The following NR2E3 variants were observed in gnomAD, a reference collection of about 807,000 sequenced individuals.
NR2E3 encodes the protein nuclear receptor subfamily 2 group E member 3.
NR2E3 carries 38 observed loss-of-function variants against 37.6 expected under a neutral mutation model. The ratio of observed to expected loss-of-function variants is 1.01; its 90% CI spans 0.78 to 1.33. The LOEUF (loss-of-function observed/expected upper bound fraction) is 1.33, where lower values mean the gene tolerates loss of function less well. Ranked by LOEUF, NR2E3 falls within the 40% of genes most tolerant of loss-of-function variation. The pLI is 0.00. For missense variants in NR2E3, 562 were observed against 558.7 expected, an observed-to-expected ratio of 1.01 and a Z score of -0.06; for synonymous variants, 235 against 225.1, an observed-to-expected ratio of 1.04 and a Z score of -0.39.
At position 71,811,615 on chromosome 15, in the gene NR2E3, T is replaced by G. The variant is rs1595956000; in HGVS notation, c.245+6T>G. 6.2e-7 allele frequency: 1 copy of G among 1,602,606 alleles called. No homozygotes were observed. ...CGGCGGAGGCTCATCTACAGGTGAG[T>G]GCGGTGGGCCCTGCTGGGCGTCTGC... On this transcript the variant is annotated splice_donor_region_variant and intron_variant, in intron 2 of 7. Coordinates refer to ENST00000617575, the MANE Select transcript of NR2E3 (RefSeq NM_014249.4). This position sits in a 1 kb window ranked among gnomAD's most constrained non-coding sequence, Gnocchi z 5.6.
Position 71,811,620 on chromosome 15 carries a change from TGGGCCCTGCTG to T in NR2E3, c.245+14_245+24del, listed in dbSNP as rs1567159769. On this transcript the variant is annotated intron_variant, in intron 2 of 7. Transcript: ENST00000617575. This position sits in a 1 kb window ranked among gnomAD's most constrained non-coding sequence, Gnocchi z 5.6. ...GAGGCTCATCTACAGGTGAGTGCGG[TGGGCCCTGCTG>T]GGCGTCTGCCCCTGAGGGGTTCTGG... The T allele has an allele frequency of 7.5e-6, 12 of 1,600,804 alleles. No homozygotes were observed. Among genetic ancestry groups the T allele is most frequent in the Admixed American group, 3.4e-5 (2 of 57,988 alleles).
chr15:71,812,551 G>T, intron 5 of NR2E3, 40 bp downstream of exon 5: 1 of 1,545,542 alleles, frequency 6.5e-7, no homozygotes, highest in East Asian at 2.3e-5. Flanking sequence ...AGGCTGGGCT[G>T]GGGTCAGGCG....
rs527428190 is a variant in NR2E3, at chr15:71,817,578, C to T, written c.1127C>T (p.Pro376Leu). Residue 376 changes from proline to leucine, a missense_variant, in exon 8 of 8, where the codon CCG becomes CTG. Pro to Leu is a moderately conservative substitution (Grantham distance 98, BLOSUM62 -3). Coordinates refer to ENST00000617575, the MANE Select transcript of NR2E3 (RefSeq NM_014249.4). ...TTTGGGAAATTGCTCCTGCTCCTCC[C>T]GTCTTTGAGGTTTATCACTGCGGAA... is the stretch of plus-strand genomic sequence containing the variant. ...VRFGKLLLLL[P>L]SLRFITAERI... 1.2e-4 allele frequency: 197 copies of T among 1,599,378 alleles called. 2 individuals are homozygous for T. The highest frequency in any genetic ancestry group is 4.1e-4 in the East Asian group (18 of 44,438).
chr15:71,817,487 A>G (rs563794941), intron 7 of NR2E3, 65 bp from the exon 8 acceptor site: 49 of 1,503,328 alleles, frequency 3.3e-5, no homozygotes, highest in South Asian at 4.2e-5. Context: ...CTGGGAGGGC[A>G]CCGCCCCAGG....
At chr15:71,812,299 A>C (rs1424176230) in intron 4 of NR2E3, 37 bp from the exon 5 acceptor site, 2 of 1,613,586 alleles carry the variant, frequency 1.2e-6, no homozygotes, top group Non-Finnish European at 1.7e-6. Context: ...ACCTCCCGAG[A>C]AGCAGGCGCT....
chr15:71,810,575 C>A lies in NR2E3; in HGVS notation c.-169C>A. On this transcript the variant is annotated 5_prime_UTR_variant, in exon 1 of 8. Coordinates refer to ENST00000617575, the MANE Select transcript of NR2E3 (RefSeq NM_014249.4). ...CGGGAGAAATCTCCTCAAGCCAGAG[C>A]CTGTGCTGTGAGGGGCTTCGGGACC... 2 of 950,168 alleles carry A rather than the reference C, an allele frequency of 2.1e-6. No homozygotes were observed. The highest frequency in any genetic ancestry group is 1.5e-6 in the Non-Finnish European group (1 of 650,254). 58.9% of individuals were successfully genotyped at this position (950,168 alleles called of 1,614,324 possible).
rs1048078452 is a variant in NR2E3, at chr15:71,811,929, C to A, written c.350-26C>A. 1.1e-5 allele frequency: 17 copies of A among 1,548,270 alleles called. No individual in the cohort carries two copies. Among genetic ancestry groups the A allele is most frequent in the Non-Finnish European group, 1.5e-5 (17 of 1,145,892 alleles). ...GAAATGGGCAGCGGGACTGGCGTGT[C>A]GTCCTGACCCTTCCTGCCTCCCCAG... On this transcript the variant is annotated intron_variant, in intron 3 of 7. Coordinates refer to ENST00000617575, the MANE Select transcript of NR2E3 (RefSeq NM_014249.4). The surrounding 1 kb of genome is among the most constrained non-coding windows in gnomAD (Gnocchi z 5.6).
chr15:71,812,038 T>A lies in NR2E3; in HGVS notation c.433T>A (p.Ser145Thr). The A allele has an allele frequency of 6.4e-7, 1 of 1,553,642 alleles. No homozygotes were observed. The change falls in exon 4 of 8, where the codon TCC (serine) becomes ACC (threonine). Residue 145 changes from serine (S) to threonine (T), a missense_variant. Physicochemically the swap from Ser to Thr is moderately conservative, Grantham distance 58. Transcript: ENST00000617575. ...MESNTESRPESLVAPPAPAGR... is the reference protein window; with the variant it reads ...MESNTESRPETLVAPPAPAGR... ...GTCCAACACTGAGTCCCGGCCGGAG[T>A]CCCTGGTGGCTCCCCCGGCCCCGGC...
At position 71,813,959 on chromosome 15, in the gene NR2E3, C is replaced by T. The variant is rs1438379593; in HGVS notation, c.995-53C>T. On this transcript the variant is annotated intron_variant, in intron 6 of 7. Coordinates refer to ENST00000617575, the MANE Select transcript of NR2E3 (RefSeq NM_014249.4). The surrounding 1 kb of genome is among the most constrained non-coding windows in gnomAD (Gnocchi z 4.7). The stretch of plus-strand genomic sequence containing the variant: ...CCCTGGGCCACCACTTCATGGCCAG[C>T]CTTATAACAGCCGTAAACCTGTGCT... The T allele has an allele frequency of 6.4e-7, 1 of 1,573,586 alleles. No homozygotes were observed. Among genetic ancestry groups the T allele is most frequent in the Non-Finnish European group, 8.6e-7 (1 of 1,161,258 alleles).
chr15:71,816,377 C>T (rs1187301766), intron 7 of NR2E3, among the ~76,000 whole-genome samples: 1 of 151,460 alleles, frequency 6.6e-6, no homozygotes, highest in Non-Finnish European at 1.5e-5. Context: ...TCTCCTGCCT[C>T]AGCCTCCCGA....
chr15:71,817,045 C>G (rs1161398666), intron 7 of NR2E3, among the ~76,000 whole-genome samples: 2 of 151,622 alleles, frequency 1.3e-5, no homozygotes, highest in Non-Finnish European at 2.9e-5. Flanking sequence ...TGGCGGCTCA[C>G]AATGGGTCGA....
At position 71,817,725 on chromosome 15, in the gene NR2E3, A is replaced by T. The variant is rs770287030; in HGVS notation, c.*41A>T. 1.1e-5 allele frequency: 17 copies of T among 1,548,680 alleles called. No individual in the cohort carries two copies. The African/African-American group carries it at 2.3e-4, about 21-fold the overall frequency. On this transcript the variant is annotated 3_prime_UTR_variant, in exon 8 of 8. Transcript: ENST00000617575. ...AATGTTTCCAAGCACTCTGGAAAAC[A>T]ATCTACTGAAACGAAACATTTGCCT...
At chr15:71,817,505 G>A (rs1267956586) in intron 7 of NR2E3, 47 bp from the exon 8 acceptor site, 1 of 1,557,972 alleles carries the variant, frequency 6.4e-7, no homozygotes, top group East Asian at 2.3e-5. Flanking sequence ...AGGGACTAGT[G>A]CTCAGAAGCT....
chr15:71,813,724 G>C lies in NR2E3; in HGVS notation c.994+89G>C. 6.3e-7 allele frequency: 1 copy of C among 1,583,842 alleles called. No individual in the cohort carries two copies. The highest frequency in any genetic ancestry group is 8.6e-7 in the Non-Finnish European group (1 of 1,163,980). The stretch of plus-strand genomic sequence containing the variant: ...TCCCTCCACTACCCCCATGTGTGCA[G>C]ATGTGTGTAGGCCTCTATCCTGGGG... On this transcript the variant is annotated intron_variant, in intron 6 of 7. Coordinates refer to ENST00000617575, the MANE Select transcript of NR2E3 (RefSeq NM_014249.4). The surrounding 1 kb of genome is among the most constrained non-coding windows in gnomAD (Gnocchi z 4.7).
chr15:71,815,092 T>C (rs2054216893), intron 7 of NR2E3, among the ~76,000 whole-genome samples: 1 of 152,150 alleles, frequency 6.6e-6, no homozygotes, highest in South Asian at 2.1e-4. Flanking sequence ...AGGCTGAGTG[T>C]GGCTGCGCGA....
chr15:71,810,821 G>T lies in NR2E3; in HGVS notation c.78G>T (p.Lys26Asn). 1 of 1,570,552 alleles carries T rather than the reference G, an allele frequency of 6.4e-7. No individual in the cohort carries two copies. Among genetic ancestry groups the T allele is most frequent in the East Asian group, 2.4e-5 (1 of 42,282 alleles). ...AAPAAGAASR[K>N]ESPGRWGLGE... ...CTGCAGCTGGGGCTGCCTCCAGGAA[G>T]GAGTCTCCAGGCAGATGGGGCCTGG... The change falls in exon 1 of 8, where the codon AAG becomes AAT. Residue 26 changes from lysine (K) to asparagine (N), a missense_variant. Coordinates refer to ENST00000617575, the MANE Select transcript of NR2E3 (RefSeq NM_014249.4).
At chr15:71,812,538 G>T (rs1381712705) in intron 5 of NR2E3, 27 bp downstream of exon 5, 1 of 1,574,030 alleles carries the variant, frequency 6.4e-7, no homozygotes, top group Non-Finnish European at 8.6e-7. Flanking sequence ...CTGCTGGGGA[G>T]CTAGGCTGGG....
chr15:71,814,132 C>T lies in NR2E3; in HGVS notation c.1100+15C>T, dbSNP rs370703800. 139 of 1,605,152 alleles carry T rather than the reference C, an allele frequency of 8.7e-5. 1 individual carries two copies. The African/African-American group carries it at 1.3e-3, about 16-fold the overall frequency. ...CAGCCCGTGAGGTGACCTGAGCATG[C>T]GCCCACCCACTCATCTGTCCCTGAC... On this transcript the variant is annotated intron_variant, in intron 7 of 7. Transcript: ENST00000617575.
chr15:71,813,910 C>T lies in NR2E3; in HGVS notation c.995-102C>T. 1 of 1,541,858 alleles carries T rather than the reference C, an allele frequency of 6.5e-7. No individual in the cohort carries two copies. The highest frequency in any genetic ancestry group is 2.4e-5 in the East Asian group (1 of 40,950). On this transcript the variant is annotated intron_variant, in intron 6 of 7. Coordinates refer to ENST00000617575, the MANE Select transcript of NR2E3 (RefSeq NM_014249.4). This position sits in a 1 kb window ranked among gnomAD's most constrained non-coding sequence, Gnocchi z 4.7. ...CTGGCAGAGCCCACCCCACAGGGCC[C>T]CAGGTCCATGTCTGCAGCCAGAACC...
Sources: allele counts gnomAD v4.1 joint callset (sites outside exome capture counted in the v4.1 genomes callset), GRCh38; gene constraint gnomAD v4.1.1; non-coding constraint Gnocchi (gnomAD v3.1); transcripts MANE v1.5; gene names NCBI Gene and HGNC (gene_info 2026-07-23, HGNC 2026-07-21).